UGT1A6: variants seen among roughly 807,000 people sequenced by gnomAD.
UGT1A6 encodes the protein UDP glucuronosyltransferase family 1 member A6, also known as UDP-glucuronosyltransferase 1A6.
UGT1A6 carries 32 observed loss-of-function variants against 44.4 expected under a neutral mutation model. The observed-to-expected ratio is 0.72, with a 90% confidence interval of 0.54 to 0.97. The LOEUF is 0.97. Among genes scored for constraint, UGT1A6 ranks in the 50% least tolerant of loss-of-function variants. The pLI is 0.00. For missense variants in UGT1A6, 685 were observed against 661.9 expected (o/e 1.03, Z -0.38); for synonymous variants, 238 against 248.5 (o/e 0.96, Z 0.40).
intron 1 of UGT1A6, chr2:233,760,220 G>T (rs1697349973): frequency 6.3e-7 from 1 of 1,593,686 alleles, no homozygotes; most frequent in Admixed American, 1.7e-5. Context: ...TTGGTGTATC[G>T]ATTGGTTTTT....
At chr2:233,757,625 G>T (rs550855781) in intron 1 of UGT1A6, among the ~76,000 whole-genome samples, 1 of 148,046 alleles carries the variant, frequency 6.8e-6, no homozygotes, top group East Asian at 2.0e-4. Context: ...AAAGATACAA[G>T]GCAGAACAGA....
At chr2:233,709,276 T>A (rs912959926) in intron 1 of UGT1A6, among the ~76,000 whole-genome samples, 1 of 152,202 alleles carries the variant, frequency 6.6e-6, no homozygotes, top group African/African-American at 2.4e-5. Flanking sequence ...ACGCTGTGAA[T>A]TACCCTTCAA....
intron 1 of UGT1A6, 25 bp from the exon 2 acceptor site, chr2:233,767,005 TTAAC>T (rs753326341): frequency 3.7e-6 from 6 of 1,613,726 alleles, no homozygotes; most frequent in Non-Finnish European, 5.1e-6. Flanking sequence ...TGAGAAAAAA[TTAAC>T]TGAAAATTTT....
chr2:233,713,130 GC>G (rs768171102), intron 1 of UGT1A6: 197 of 1,614,124 alleles, frequency 1.2e-4, no homozygotes, highest in Non-Finnish European at 1.5e-4. Flanking sequence ...CATGCGGGAG[GC>G]CTTGCGGGAC....
At chr2:233,713,149 C>T (rs777655753) in intron 1 of UGT1A6, 6 of 1,614,056 alleles carry the variant, frequency 3.7e-6, no homozygotes, top group Admixed American at 3.3e-5. Flanking sequence ...GACCTCCATG[C>T]GAGAGGCCAC....
rs541267003 is a variant in UGT1A6, at chr2:233,744,012, G to T, written c.862-23022G>T. 67 of 1,089,588 alleles carry T rather than the reference G, an allele frequency of 6.1e-5. 1 individual carries two copies. Among genetic ancestry groups the T allele is most frequent in the Non-Finnish European group, 7.2e-5 (60 of 828,198 alleles). The allele number at this position is 1,089,588 out of a possible 1,614,324, so 67.5% of individuals were successfully genotyped here. ...GCCCGAGTGCTCGGAGACCTGGGCC[G>T]CCTGGAGAGACGCCCCTTATGACGC... On this transcript the variant is annotated intron_variant, in intron 1 of 4. Transcript: ENST00000305139.
At chr2:233,731,424 A>G (rs1264349452) in intron 1 of UGT1A6, among the ~76,000 whole-genome samples, 1 of 151,642 alleles carries the variant, frequency 6.6e-6, no homozygotes, top group East Asian at 1.9e-4. Context: ...TCCTAATGCC[A>G]TCCCTCCCCC....
chr2:233,754,758 C>T (rs1438461710), intron 1 of UGT1A6: 1 of 879,896 alleles, frequency 1.1e-6, no homozygotes, highest in Non-Finnish European at 1.7e-6. Context: ...GGAAGAAAGG[C>T]CCCCACTTCC....
In UGT1A6 at chr2:233,767,146, T is replaced by A. The variant is rs372326047; in HGVS notation, c.974T>A (p.Leu325Ter). 2 of 1,614,014 alleles carry A rather than the reference T, an allele frequency of 1.2e-6. No homozygotes were observed. The highest frequency in any genetic ancestry group is 2.7e-5 in the African/African-American group (2 of 74,934). ...AAAGCTATGGCAATTGCTGATGCTT[T>A]GGGCAAAATCCCTCAGACAGTAAGA... Reference protein sequence around the residue: ...EKKAMAIADALGKIPQTVLWR... With the variant: ...EKKAMAIADA The change falls in exon 2 of 5, where the codon TTG becomes TAG. Residue 325 changes from leucine to a stop codon, truncating the protein, a stop_gained. Transcript: ENST00000305139. LOFTEE classifies it high-confidence loss of function.
Position 233,702,529 on chromosome 2 carries a change from C to T in UGT1A6, c.861+8664C>T, listed in dbSNP as rs1333011305. ...AGAAGTGGAAAGAGGAGATTCTTAT[C>T]TTGTTCCTGATCTTAGGTGGGGAAG... On this transcript the variant is annotated intron_variant, in intron 1 of 4. Coordinates refer to ENST00000305139, the MANE Select transcript of UGT1A6 (RefSeq NM_001072.4). Among the ~76,000 whole-genome samples, 10 of 152,248 alleles carry T rather than the reference C, an allele frequency of 6.6e-5. No individual in the cohort carries two copies. The East Asian group carries it at 9.6e-4, about 15-fold the overall frequency.
At chr2:233,694,304 G>GT (rs35761222) in intron 1 of UGT1A6, among the ~76,000 whole-genome samples, 7,473 of 145,330 alleles carry the variant, frequency 0.051, 283 homozygotes, top group African/African-American at 0.1. Flanking sequence ...CCTGTTTTTT[G>GT]TTTTTTTTTT....
chr2:233,699,054 A>T (rs561736764), intron 1 of UGT1A6, among the ~76,000 whole-genome samples: 1 of 152,280 alleles, frequency 6.6e-6, no homozygotes, highest in East Asian at 1.9e-4. Flanking sequence ...GAAACAACTT[A>T]TCCCAGCCCT....
In UGT1A6 at chr2:233,772,305, C is replaced by T. The variant is rs201427749; in HGVS notation, c.1345C>T (p.Arg449Cys). Reference protein sequence around the residue: ...IMRLSSLHKDRPVEPLDLAVF... With the variant: ...IMRLSSLHKDCPVEPLDLAVF... Reference sequence around the variant, plus strand: ...GCGCCTCTCCAGCCTTCACAAGGACCGCCCGGTGGAGCCGCTGGACCTGGC... The same window carrying T: ...GCGCCTCTCCAGCCTTCACAAGGACTGCCCGGTGGAGCCGCTGGACCTGGC... Residue 449 changes from arginine to cysteine, a missense_variant, in exon 5 of 5, where the codon CGC (arginine) becomes TGC (cysteine). Physicochemically the swap from Arg to Cys is radical, Grantham distance 180. Transcript: ENST00000305139. 2.9e-5 allele frequency: 47 copies of T among 1,614,194 alleles called. No individual in the cohort carries two copies. Among genetic ancestry groups the T allele is most frequent in the Middle Eastern group, 1.6e-4 (1 of 6,062 alleles).
chr2:233,754,728 C>T (rs964525273), intron 1 of UGT1A6: 1 of 620,812 alleles, frequency 1.6e-6, no homozygotes, highest in African/African-American at 1.9e-5. Context: ...TGTCCCATCA[C>T]TACCGTAGGA....
At chr2:233,726,437 T>C (rs955428993) in intron 1 of UGT1A6, among the ~76,000 whole-genome samples, 7 of 152,238 alleles carry the variant, frequency 4.6e-5, no homozygotes, top group Non-Finnish European at 8.8e-5. Flanking sequence ...CTTAATCTTA[T>C]TCTTTCCACT....
intron 1 of UGT1A6, among the ~76,000 whole-genome samples, chr2:233,742,449 T>C (rs1691982228): frequency 6.6e-6 from 1 of 151,986 alleles, no homozygotes. Flanking sequence ...GGGCCAGGTG[T>C]TCCTTGCCCT....
In UGT1A6 at chr2:233,772,670, A is replaced by T; in HGVS notation, c.*111A>T. 1 of 1,536,688 alleles carries T rather than the reference A, an allele frequency of 6.5e-7. No homozygotes were observed. Among genetic ancestry groups the T allele is most frequent in the Admixed American group, 2.0e-5 (1 of 50,138 alleles). ...TATTCTTATTAAGGAAATACTTTGC[A>T]TAAATTAATCAGCCCCAGAGTGCTT... On this transcript the variant is annotated 3_prime_UTR_variant, in exon 5 of 5. Transcript: ENST00000305139.
chr2:233,745,632 G>A (rs1693165975), intron 1 of UGT1A6, among the ~76,000 whole-genome samples: 1 of 151,552 alleles, frequency 6.6e-6, no homozygotes, highest in Non-Finnish European at 1.5e-5. Flanking sequence ...GTCATAGAAA[G>A]CTGGCCGAGG....
At chr2:233,758,273 A>C (rs575144774) in intron 1 of UGT1A6, among the ~76,000 whole-genome samples, 2 of 152,350 alleles carry the variant, frequency 1.3e-5, no homozygotes, top group South Asian at 4.1e-4. Context: ...TTCTTGGTCA[A>C]GGGCAGAGCT....
Sources: gnomAD v4.1 joint callset for allele counts (sites outside exome capture counted in the v4.1 genomes callset) on GRCh38, gnomAD v4.1.1 for gene constraint, MANE v1.5 for transcripts, NCBI Gene and HGNC (gene_info 2026-07-23, HGNC 2026-07-21) for gene names.